The following VCL variants were observed in gnomAD, a reference collection of about 807,000 sequenced individuals.
VCL encodes the protein vinculin.
A neutral mutation model predicts 125.7 loss-of-function variants in VCL; 47 were observed. The ratio of observed to expected loss-of-function variants is 0.37; its 90% confidence interval spans 0.30 to 0.48. The LOEUF (loss-of-function observed/expected upper bound fraction) is 0.48, where lower values mean the gene tolerates loss of function less well. Ranked by LOEUF, VCL falls within the 20% of genes least tolerant of loss-of-function variation. The pLI is 0.99. For synonymous variants in VCL, 458 were observed against 514.6 expected, an observed-to-expected ratio of 0.89 and a Z score of 1.49; for missense variants, 1,069 against 1,455.5, an observed-to-expected ratio of 0.73 and a Z score of 4.32.
intron 1 of VCL, among the ~76,000 whole-genome samples, chr10:74,029,689 T>C (rs1840839009): frequency 6.6e-6 from 1 of 152,214 alleles, no homozygotes. Context: ...TATGTGATTG[T>C]GTTCTCATTG....
At chr10:74,086,719 A>C (rs1839781236) in intron 8 of VCL, among the ~76,000 whole-genome samples, 1 of 152,230 alleles carries the variant, frequency 6.6e-6, no homozygotes, top group South Asian at 2.1e-4. Flanking sequence ...AAAAGGCTAG[A>C]ACAGTGAAGG....
At chr10:74,064,546 C>T (rs566335297) in intron 2 of VCL, among the ~76,000 whole-genome samples, 6 of 152,208 alleles carry the variant, frequency 3.9e-5, no homozygotes, top group African/African-American at 1.2e-4. Flanking sequence ...GCTAGGACTA[C>T]AGGTGTGAGC....
At chr10:74,015,642 C>G (rs1474424773) in intron 1 of VCL, among the ~76,000 whole-genome samples, 2 of 151,916 alleles carry the variant, frequency 1.3e-5, no homozygotes, top group Non-Finnish European at 2.9e-5. Context: ...AATCCATTCA[C>G]TGCATTTTTA....
At chr10:74,000,240 T>A (rs1420816507) in intron 1 of VCL, among the ~76,000 whole-genome samples, 1 of 150,458 alleles carries the variant, frequency 6.6e-6, no homozygotes, top group East Asian at 1.9e-4. Context: ...CTCCCACGGG[T>A]CAAGGCCTTT....
intron 1 of VCL, among the ~76,000 whole-genome samples, chr10:74,036,502 ACT>A (rs755296327): frequency 6.6e-5 from 10 of 151,444 alleles, no homozygotes; most frequent in African/African-American, 2.4e-4. Context: ...GTGCCCAGCC[ACT>A]CTGTTTTTTT....
rs556705269 is a variant in VCL, at chr10:74,011,066, G to A, written c.168+12691G>A. On this transcript the variant is annotated intron_variant, in intron 1 of 21. Transcript: ENST00000211998. Reference sequence around the variant, plus strand: ...GGTGCCTGTAATCCCAGGTACATGGGAGGCTGAGGCAGGAGAATCGTTTGA... The same window carrying A: ...GGTGCCTGTAATCCCAGGTACATGGAAGGCTGAGGCAGGAGAATCGTTTGA... Among the ~76,000 whole-genome samples the A allele has an allele frequency of 1.1e-4, 16 of 151,792 alleles. No individual in the cohort carries two copies. In the South Asian group the frequency reaches 3.1e-3, roughly 30 times the overall value.
Position 74,043,101 on chromosome 10 carries a change from C to G in VCL, c.187C>G (p.Gln63Glu). 6.2e-7 allele frequency: 1 copy of G among 1,613,264 alleles called. No individual in the cohort carries two copies. Among genetic ancestry groups the G allele is most frequent in the Non-Finnish European group, 8.5e-7 (1 of 1,179,602 alleles). Residue 63 changes from glutamine to glutamate, a missense_variant, in exon 2 of 22, where the codon CAA (glutamine) becomes GAA (glutamate). Coordinates refer to ENST00000211998, the MANE Select transcript of VCL (RefSeq NM_014000.3). Reference sequence around the variant, plus strand: ...CTTGTAGGTTGGAAAAGAGACTGTTCAAACCACTGAGGATCAGATTTTGAA... The same window carrying G: ...CTTGTAGGTTGGAAAAGAGACTGTTGAAACCACTGAGGATCAGATTTTGAA... ...NLVRVGKETV[Q>E]TTEDQILKRD...
intron 1 of VCL, among the ~76,000 whole-genome samples, chr10:74,001,367 G>A (rs1194547595): frequency 3.3e-5 from 5 of 152,108 alleles, no homozygotes; most frequent in Non-Finnish European, 5.9e-5. Context: ...GTCTTGTTAT[G>A]TTGCCCAGGC....
At chr10:74,107,100 A>G (rs1840147386) in intron 16 of VCL, 130 bp from the exon 17 acceptor site, 4 of 1,481,164 alleles carry the variant, frequency 2.7e-6, no homozygotes, top group Non-Finnish European at 3.7e-6. Context: ...CCCTTCTTCA[A>G]TCACTGCCCG....
intron 2 of VCL, among the ~76,000 whole-genome samples, chr10:74,066,525 G>A (rs894674065): frequency 2.0e-5 from 3 of 151,932 alleles, no homozygotes; most frequent in Admixed American, 2.0e-4. Flanking sequence ...AAATTGCTTA[G>A]GTATGTATAC....
At chr10:74,001,297 G>A (rs1280286701) in intron 1 of VCL, among the ~76,000 whole-genome samples, 1 of 152,200 alleles carries the variant, frequency 6.6e-6, no homozygotes, top group Non-Finnish European at 1.5e-5. Context: ...TGGAGGTCAA[G>A]CCTTGTCTGA....
At chr10:74,078,465 GTGTTT>G (rs1839628939) in intron 6 of VCL, among the ~76,000 whole-genome samples, 1 of 152,180 alleles carries the variant, frequency 6.6e-6, no homozygotes, top group Non-Finnish European at 1.5e-5. Context: ...AAGTGTTCTA[GTGTTT>G]TGTTTTTAGC....
intron 2 of VCL, among the ~76,000 whole-genome samples, chr10:74,065,812 T>C (rs1424533358): frequency 6.6e-6 from 1 of 152,092 alleles, no homozygotes; most frequent in Non-Finnish European, 1.5e-5. Context: ...AAGTATTCAA[T>C]TGATAAAACC....
intron 2 of VCL, among the ~76,000 whole-genome samples, chr10:74,046,709 C>A (rs74969680): frequency 0.035 from 5,312 of 152,294 alleles, 161 homozygotes; most frequent in African/African-American, 0.083. Flanking sequence ...GTTTCACTAT[C>A]GGGTAGGTAG....
rs754978708 is a variant in VCL, at chr10:74,114,904, G to A, written c.3258+5G>A. On this transcript the variant is annotated splice_donor_5th_base_variant and intron_variant, in intron 21 of 21. Coordinates refer to ENST00000211998, the MANE Select transcript of VCL (RefSeq NM_014000.3). The stretch of plus-strand genomic sequence containing the variant: ...AGTGATGAGGAGTCTGAGCAGGTAT[G>A]TGGCAGCTGTTTTTGGTTTCTGGCT... 5 of 1,581,584 alleles carry A rather than the reference G, an allele frequency of 3.2e-6. No individual in the cohort carries two copies. The Admixed American group carries it at 9.2e-5, about 29-fold the overall frequency.
chr10:74,083,720 C>T (rs1278495465), intron 8 of VCL, among the ~76,000 whole-genome samples: 1 of 152,200 alleles, frequency 6.6e-6, no homozygotes, highest in Non-Finnish European at 1.5e-5. Flanking sequence ...GAGACAGAGT[C>T]TCACTCTGTT....
At chr10:74,111,762 G>C in intron 18 of VCL, 147 bp from the exon 19 acceptor site, 1 of 1,076,692 alleles carries the variant, frequency 9.3e-7, no homozygotes, top group East Asian at 2.6e-5. Flanking sequence ...CTTCTGTGAA[G>C]CTTGGTACAC....
intron 1 of VCL, among the ~76,000 whole-genome samples, chr10:74,027,202 C>T (rs928325563): frequency 6.6e-6 from 1 of 152,054 alleles, no homozygotes; most frequent in Admixed American, 6.6e-5. Flanking sequence ...TCATGGTATT[C>T]ACACATATTT....
chr10:74,026,911 G>A (rs1300944369), intron 1 of VCL, among the ~76,000 whole-genome samples: 1 of 152,118 alleles, frequency 6.6e-6, no homozygotes, highest in Non-Finnish European at 1.5e-5. Flanking sequence ...TCAAAAATTC[G>A]TTTACAAGTT....
Sources: allele counts gnomAD v4.1 joint callset (sites outside exome capture counted in the v4.1 genomes callset), GRCh38; gene constraint gnomAD v4.1.1; transcripts MANE v1.5; gene names NCBI Gene and HGNC (gene_info 2026-07-23, HGNC 2026-07-21).